NRP2: variants seen among roughly 807,000 people sequenced by gnomAD.
NRP2 encodes neuropilin 2, also known as neuropilin-2.
A neutral mutation model predicts 110.4 loss-of-function variants in NRP2; 52 were observed. The ratio of observed to expected loss-of-function variants is 0.47; its 90% CI spans 0.38 to 0.59. The LOEUF (loss-of-function observed/expected upper bound fraction) is 0.59, where lower values mean the gene tolerates loss of function less well. Among genes scored for constraint, NRP2 ranks in the 20% least tolerant of loss-of-function variants. The pLI, the probability that NRP2 is intolerant of heterozygous loss-of-function variation, is 0.00. For synonymous variants in NRP2, 508 were observed against 468.9 expected, an observed-to-expected ratio of 1.08 and a Z score of -1.08; for missense variants, 1,049 against 1,203.0, an observed-to-expected ratio of 0.87 and a Z score of 1.89.
Position 205,725,871 on chromosome 2 carries a change from G to C in NRP2, c.821-42G>C. On this transcript the variant is annotated intron_variant, in intron 5 of 16. Transcript: ENST00000357785. The surrounding 1 kb of genome is among the most constrained non-coding windows in gnomAD (Gnocchi z 4.1). ...GCATTTGGGGGATCCCGAGGTATGA[G>C]GTTGGAAGGCCTAACTGCATTTGAC... 6.2e-7 allele frequency: 1 copy of C among 1,610,810 alleles called. No homozygotes were observed. Among genetic ancestry groups the C allele is most frequent in the East Asian group, 2.2e-5 (1 of 44,864 alleles).
intron 11 of NRP2, among the ~76,000 whole-genome samples, chr2:205,752,048 A>G (rs1209386451): frequency 6.6e-6 from 1 of 152,128 alleles, no homozygotes; most frequent in East Asian, 1.9e-4. Context: ...GTGAACCATC[A>G]AAGCAGACAG....
chr2:205,743,097 T>C lies in NRP2; in HGVS notation c.1292-106T>C, dbSNP rs554922921. 5.4e-5 allele frequency: 86 copies of C among 1,594,568 alleles called. No homozygotes were observed. In the African/African-American group the frequency reaches 6.5e-4, roughly 12 times the overall value. On this transcript the variant is annotated intron_variant, in intron 8 of 16. Transcript: ENST00000357785. The stretch of plus-strand genomic sequence containing the variant: ...CCATGCAAAGAAATTAGTGCTGACT[T>C]AGTATTTGACAGTTGGGCTCTTTTG...
At chr2:205,737,964 T>A (rs2057373808) in intron 7 of NRP2, among the ~76,000 whole-genome samples, 1 of 152,160 alleles carries the variant, frequency 6.6e-6, no homozygotes, top group South Asian at 2.1e-4. Context: ...TGAGCCACAC[T>A]CATGCACACA....
At chr2:205,759,691 A>G (rs987509136) in intron 12 of NRP2, 11 of 152,174 alleles carry the variant, frequency 7.2e-5, no homozygotes, top group East Asian at 1.9e-4. Context: ...CATGCCAAAC[A>G]TACTTCTTTT....
In NRP2 at chr2:205,740,510, A is replaced by G. The variant is rs139742739; in HGVS notation, c.1147-9A>G. ...TTTCAATAACATGGTTTTGCATCTT[A>G]CGCTACAGGTATTTCAAGCCAACAA... is the stretch of plus-strand genomic sequence containing the variant. On this transcript the variant is annotated splice_polypyrimidine_tract_variant and intron_variant, in intron 7 of 16. Coordinates refer to ENST00000357785, the MANE Select transcript of NRP2 (RefSeq NM_003872.3). 98 of 1,614,220 alleles carry G rather than the reference A, an allele frequency of 6.1e-5. No individual in the cohort carries two copies. In the African/African-American group the frequency reaches 8.7e-4, roughly 14 times the overall value.
chr2:205,715,870 A>G (rs765621601), intron 2 of NRP2, among the ~76,000 whole-genome samples: 2 of 152,234 alleles, frequency 1.3e-5, no homozygotes, highest in Non-Finnish European at 2.9e-5. Context: ...CTGAGAGAGC[A>G]TAATGGAAAT....
Position 205,795,748 on chromosome 2 carries a change from T to C in NRP2, c.*690T>C, listed in dbSNP as rs1360931392. 2 of 152,636 alleles carry C rather than the reference T, an allele frequency of 1.3e-5. No homozygotes were observed. The highest frequency in any genetic ancestry group is 2.9e-5 in the Non-Finnish European group (2 of 68,042). The allele number at this position is 152,636 out of a possible 1,614,324, so 9.5% of individuals were successfully genotyped here. On this transcript the variant is annotated 3_prime_UTR_variant, in exon 17 of 17. Coordinates refer to ENST00000357785, the MANE Select transcript of NRP2 (RefSeq NM_003872.3). ...TAGGGTCAGCATGAACAGCTCTTTC[T>C]TGTATGCGATTTAAAACAAACTGGA...
chr2:205,722,212 C>G (rs2057034232), intron 3 of NRP2: 3 of 394,506 alleles, frequency 7.6e-6, no homozygotes, highest in Non-Finnish European at 4.8e-6. Context: ...CACACACACA[C>G]TTCTCTGTAC....
intron 3 of NRP2, among the ~76,000 whole-genome samples, chr2:205,719,390 A>G (rs548315250): frequency 6.6e-6 from 1 of 151,990 alleles, no homozygotes; most frequent in Non-Finnish European, 1.5e-5. Flanking sequence ...ATGTTACCAG[A>G]CTGTCTACAT....
chr2:205,749,585 G>A (rs1230356732), intron 10 of NRP2, 140 bp from the exon 11 acceptor site: 2 of 711,954 alleles, frequency 2.8e-6, no homozygotes, highest in African/African-American at 1.7e-5. Context: ...TTCGTTGACA[G>A]CACACAGACA....
At chr2:205,712,700 T>G (rs2056821621) in intron 2 of NRP2, among the ~76,000 whole-genome samples, 1 of 152,086 alleles carries the variant, frequency 6.6e-6, no homozygotes, top group South Asian at 2.1e-4. Flanking sequence ...TCATTTGGAG[T>G]GTGCCCTTTA....
At chr2:205,785,962 C>T (rs1320679957) in intron 15 of NRP2, among the ~76,000 whole-genome samples, 3 of 152,048 alleles carry the variant, frequency 2.0e-5, no homozygotes, top group South Asian at 2.1e-4. Flanking sequence ...TTTCCATGAC[C>T]GTGCCTAGAT....
chr2:205,749,765 G>A lies in NRP2; in HGVS notation c.1827G>A (p.Lys609=). The change falls in exon 11 of 17, where the codon AAG becomes AAA. Residue 609 remains lysine, a synonymous_variant. Coordinates refer to ENST00000357785, the MANE Select transcript of NRP2 (RefSeq NM_003872.3). Reference sequence around the variant, plus strand: ...TAGAGACGCTGGGACCCACTGTGAAGAGCGAAGAGACAACCACCCCCTACC... The same window carrying A: ...TAGAGACGCTGGGACCCACTGTGAAAAGCGAAGAGACAACCACCCCCTACC... ...PTVETLGPTV[K]SEETTTPYPT... is the part of the protein sequence containing the mutation. 1 of 1,614,186 alleles carries A rather than the reference G, an allele frequency of 6.2e-7. No homozygotes were observed. Among genetic ancestry groups the A allele is most frequent in the Non-Finnish European group, 8.5e-7 (1 of 1,180,016 alleles).
At chr2:205,724,110 G>A (rs574934561) in intron 5 of NRP2, among the ~76,000 whole-genome samples, 170 bp downstream of exon 5, 2 of 152,244 alleles carry the variant, frequency 1.3e-5, no homozygotes, top group East Asian at 1.9e-4. Flanking sequence ...AGAGGTTGAT[G>A]AGAAAAGAAC....
intron 16 of NRP2, among the ~76,000 whole-genome samples, chr2:205,794,286 A>G (rs2058331935): frequency 6.6e-6 from 1 of 151,718 alleles, no homozygotes; most frequent in East Asian, 1.9e-4. Flanking sequence ...AATTTTTTGT[A>G]TTTTTAGTAG....
intron 3 of NRP2, among the ~76,000 whole-genome samples, chr2:205,721,219 C>T (rs1315272089): frequency 3.9e-5 from 6 of 152,144 alleles, no homozygotes; most frequent in Admixed American, 2.0e-4. Flanking sequence ...TTGACATCAC[C>T]TAGTTATATT....
Position 205,697,789 on chromosome 2 carries a change from T to C in NRP2, c.251+68T>C, listed in dbSNP as rs1327968465. ...GCACACGCCCTGCCCCCACCCCTGCTCTTGTCACTTCTATCACCCCTCACC... is the reference window on the plus strand; with the variant it reads ...GCACACGCCCTGCCCCCACCCCTGCCCTTGTCACTTCTATCACCCCTCACC... On this transcript the variant is annotated intron_variant, in intron 2 of 16. Coordinates refer to ENST00000357785, the MANE Select transcript of NRP2 (RefSeq NM_003872.3). The C allele has an allele frequency of 3.4e-6, 5 of 1,453,478 alleles. No homozygotes were observed. The Admixed American group carries it at 8.4e-5, about 24-fold the overall frequency. The allele number at this position is 1,453,478 out of a possible 1,614,324, so 90.0% of individuals were successfully genotyped here. A position where few individuals can be genotyped will look rare whatever the true frequency, so the allele number is the denominator to read the frequency against.
chr2:205,690,992 G>A (rs991575026), intron 1 of NRP2, among the ~76,000 whole-genome samples: 26 of 152,108 alleles, frequency 1.7e-4, no homozygotes, highest in African/African-American at 6.0e-4. Context: ...GGAGGGAAGC[G>A]CAGTAGCTGT....
intron 8 of NRP2, among the ~76,000 whole-genome samples, chr2:205,741,038 G>A (rs2057430856): frequency 6.6e-6 from 1 of 152,164 alleles, no homozygotes; most frequent in African/African-American, 2.4e-5. Context: ...GCCATGGTTT[G>A]AATCTAGGCA....
Sources: allele counts gnomAD v4.1 joint callset (sites outside exome capture counted in the v4.1 genomes callset), GRCh38; gene constraint gnomAD v4.1.1; non-coding constraint Gnocchi (gnomAD v3.1); transcripts MANE v1.5; gene names NCBI Gene and HGNC (gene_info 2026-07-23, HGNC 2026-07-21).